EPB41L4B: variants seen among roughly 807,000 people sequenced by gnomAD.
EPB41L4B encodes erythrocyte membrane protein band 4.1 like 4B, also known as band 4.1-like protein 4B.
Under a neutral mutation model 112.5 loss-of-function variants are expected in EPB41L4B, and 30 were observed. The ratio of observed to expected loss-of-function variants is 0.27; its 90% CI spans 0.20 to 0.36. The LOEUF is 0.36. EPB41L4B is among the 10% of genes least tolerant of loss of function. The pLI is 1.00. For missense variants in EPB41L4B, 1,024 were observed against 1,133.3 expected, an observed-to-expected ratio of 0.90 and a Z score of 1.38; for synonymous variants, 408 against 439.7, an observed-to-expected ratio of 0.93 and a Z score of 0.90.
intron 15 of EPB41L4B, among the ~76,000 whole-genome samples, chr9:109,225,569 C>T (rs566796492): frequency 4.1e-4 from 62 of 152,262 alleles, no homozygotes; most frequent in African/African-American, 1.3e-3. Context: ...GAAACTTCCC[C>T]GATTCAATTA....
intron 15 of EPB41L4B, chr9:109,240,864 T>C (rs1834332014): frequency 1.0e-6 from 1 of 985,438 alleles, no homozygotes; most frequent in Non-Finnish European, 1.2e-6. Flanking sequence ...GCACCAATCA[T>C]TAAGACATTA....
At chr9:109,222,671 G>C (rs1833620886) in intron 15 of EPB41L4B, among the ~76,000 whole-genome samples, 1 of 152,174 alleles carries the variant, frequency 6.6e-6, no homozygotes, top group Non-Finnish European at 1.5e-5. Flanking sequence ...TGGTTTTCAG[G>C]GTGGGTGACA....
At chr9:109,249,820 G>A (rs969599477) in intron 13 of EPB41L4B, among the ~76,000 whole-genome samples, 1 of 152,150 alleles carries the variant, frequency 6.6e-6, no homozygotes, top group African/African-American at 2.4e-5. Flanking sequence ...GGCAGGGGGC[G>A]ACACAGAGCA....
intron 2 of EPB41L4B, among the ~76,000 whole-genome samples, chr9:109,273,691 A>T (rs192004972): frequency 3.3e-5 from 5 of 152,200 alleles, no homozygotes; most frequent in Admixed American, 3.3e-4. Context: ...ACCTCAGAGC[A>T]CGGGCACCTG....
At position 109,241,833 on chromosome 9, in the gene EPB41L4B, G is replaced by T. The variant is rs750915251; in HGVS notation, c.1409+1785C>A. ...GCCTGTTTTGTTTGCAGAGCGAATGGTTAGTGGGAGAATGGAAGAAAATGC... is the reference window on the plus strand; with the variant it reads ...GCCTGTTTTGTTTGCAGAGCGAATGTTTAGTGGGAGAATGGAAGAAAATGC... On this transcript the variant is annotated intron_variant, in intron 15 of 25. Coordinates refer to ENST00000374566, the MANE Select transcript of EPB41L4B (RefSeq NM_019114.5). 8.7e-6 allele frequency: 14 copies of T among 1,612,850 alleles called. No individual in the cohort carries two copies. The African/African-American group carries it at 1.3e-4, about 15-fold the overall frequency.
intron 19 of EPB41L4B, among the ~76,000 whole-genome samples, chr9:109,201,466 G>GAAA (rs1035267642): frequency 2.1e-5 from 3 of 143,208 alleles, no homozygotes; most frequent in African/African-American, 7.8e-5. Flanking sequence ...AAAAAAAAAA[G>GAAA]AAAAAAAAAG....
chr9:109,283,105 G>A (rs900745701), intron 1 of EPB41L4B, among the ~76,000 whole-genome samples: 1 of 152,288 alleles, frequency 6.6e-6, no homozygotes, highest in Non-Finnish European at 1.5e-5. Flanking sequence ...AAAATGCAAC[G>A]TCTACAGATG....
intron 1 of EPB41L4B, among the ~76,000 whole-genome samples, chr9:109,308,315 T>G (rs1301620702): frequency 2.0e-5 from 3 of 152,068 alleles, no homozygotes; most frequent in South Asian, 4.1e-4. Context: ...TGTGCTCTGA[T>G]CAGATGCTTG....
rs556335399 is a variant in EPB41L4B, at chr9:109,282,835, C to A, written c.307-2914G>T. Among the ~76,000 whole-genome samples, 12 of 152,140 alleles carry A rather than the reference C, an allele frequency of 7.9e-5. 1 individual carries two copies. The highest frequency in any genetic ancestry group is 1.3e-4 in the Admixed American group (2 of 15,282). ...CCTCCCGAGTAGCTGGGATTACAGG[C>A]GTGCGCCACCAAGCCCGGCTTATTT... On this transcript the variant is annotated intron_variant, in intron 1 of 25. Coordinates refer to ENST00000374566, the MANE Select transcript of EPB41L4B (RefSeq NM_019114.5).
At chr9:109,250,853 G>A (rs957905251) in intron 13 of EPB41L4B, among the ~76,000 whole-genome samples, 4 of 152,164 alleles carry the variant, frequency 2.6e-5, no homozygotes, top group Admixed American at 2.6e-4. Flanking sequence ...AAGTTTTATT[G>A]GAATGCAGTC....
At position 109,268,292 on chromosome 9, in the gene EPB41L4B, CT is replaced by C. The variant is rs776125292; in HGVS notation, c.454+98del. The C allele has an allele frequency of 7.2e-6, 8 of 1,104,466 alleles. No homozygotes were observed. In the East Asian group the frequency reaches 1.1e-4, roughly 15 times the overall value. The allele number at this position is 1,104,466 out of a possible 1,614,324, so 68.4% of individuals were successfully genotyped here. On this transcript the variant is annotated intron_variant, in intron 3 of 25. Transcript: ENST00000374566. ...TAATACCGAATTGATTTTTAAAATGCTTCCAAGTTCTAATGAAAACATAACA... is the reference window on the plus strand; with the variant it reads ...TAATACCGAATTGATTTTTAAAATGCTCCAAGTTCTAATGAAAACATAACA...
rs543295327 is a variant in EPB41L4B at position 109,303,252 on chromosome 9, A to T, written c.306+16889T>A. Among the ~76,000 whole-genome samples, 61 of 149,260 alleles carry T rather than the reference A, an allele frequency of 4.1e-4. 1 individual carries two copies. The highest frequency in any genetic ancestry group is 1.4e-3 in the Admixed American group (21 of 14,884). On this transcript the variant is annotated intron_variant, in intron 1 of 25. Coordinates refer to ENST00000374566, the MANE Select transcript of EPB41L4B (RefSeq NM_019114.5). ...TGATCACTTGGTGAAAGTGATAAATAAAAAAAAAACAATTTTTAAATTCTT... is the reference window on the plus strand; with the variant it reads ...TGATCACTTGGTGAAAGTGATAAATTAAAAAAAAACAATTTTTAAATTCTT...
At chr9:109,220,429 T>C (rs183500606) in intron 15 of EPB41L4B, among the ~76,000 whole-genome samples, 58 of 152,312 alleles carry the variant, frequency 3.8e-4, no homozygotes, top group African/African-American at 1.3e-3. Context: ...GAGCGCTGTG[T>C]GGAGGAGACT....
In EPB41L4B at chr9:109,279,131, T is replaced by C. The variant is rs1331917966; in HGVS notation, c.411+686A>G. 2.0e-5 allele frequency among the ~76,000 whole-genome samples: 3 copies of C among 152,134 alleles called. No homozygotes were observed. In the East Asian group the frequency reaches 5.8e-4, roughly 29 times the overall value. On this transcript the variant is annotated intron_variant, in intron 2 of 25. Coordinates refer to ENST00000374566, the MANE Select transcript of EPB41L4B (RefSeq NM_019114.5). The stretch of plus-strand genomic sequence containing the variant: ...TACCCAGCCAGACTCTGTAAGAAGA[T>C]GGTGGCACAGCCTCTTCTGCTGGTT...
At chr9:109,217,226 G>T in intron 15 of EPB41L4B, 81 bp from the exon 16 acceptor site, 2 of 1,220,828 alleles carry the variant, frequency 1.6e-6, no homozygotes, top group African/African-American at 1.5e-5. Flanking sequence ...ACGTTTTCTA[G>T]GCATTAAACA....
intron 15 of EPB41L4B, chr9:109,241,867 A>G: frequency 6.3e-7 from 1 of 1,575,204 alleles, no homozygotes; most frequent in Non-Finnish European, 8.7e-7. Context: ...GCAGAAATGT[A>G]AGTGAAACAA....
intron 15 of EPB41L4B, among the ~76,000 whole-genome samples, chr9:109,239,569 C>A (rs1319476322): frequency 1.3e-5 from 2 of 152,104 alleles, no homozygotes; most frequent in African/African-American, 2.4e-5. Flanking sequence ...AATAGGATGG[C>A]AGAAAAGGAG....
At chr9:109,202,484 C>A (rs1467197783) in intron 19 of EPB41L4B, among the ~76,000 whole-genome samples, 1 of 152,170 alleles carries the variant, frequency 6.6e-6, no homozygotes, top group Non-Finnish European at 1.5e-5. Context: ...TGGAGTAGGA[C>A]CCAGGAGTTT....
intron 4 of EPB41L4B, 47 bp downstream of exon 4, chr9:109,267,426 T>A (rs375659044): frequency 1.6e-5 from 20 of 1,259,792 alleles, no homozygotes; most frequent in African/African-American, 4.4e-5. Context: ...AAATGACATG[T>A]AAGGCAAGCC....
Sources: allele counts gnomAD v4.1 joint callset (sites outside exome capture counted in the v4.1 genomes callset), GRCh38; gene constraint gnomAD v4.1.1; transcripts MANE v1.5; gene names NCBI Gene and HGNC (gene_info 2026-07-23, HGNC 2026-07-21).